The following TTL variants were observed in gnomAD, a reference collection of about 807,000 sequenced individuals.
TTL encodes the protein tubulin tyrosine ligase, also known as tubulin--tyrosine ligase.
A neutral mutation model predicts 41.1 loss-of-function variants in TTL; 10 were observed. The observed-to-expected ratio is 0.24, with a 90% CI of 0.15 to 0.41. The LOEUF (loss-of-function observed/expected upper bound fraction) is 0.41. Ranked by LOEUF, TTL falls within the 10% of genes least tolerant of loss-of-function variation. The pLI is 1.00. For missense variants in TTL, 367 were observed against 460.4 expected, an observed-to-expected ratio of 0.80 and a Z score of 1.86; for synonymous variants, 175 against 175.5, an observed-to-expected ratio of 1.00 and a Z score of 0.02.
intron 2 of TTL, among the ~76,000 whole-genome samples, chr2:112,489,082 G>A (rs950399580): frequency 7.9e-5 from 12 of 151,902 alleles, no homozygotes; most frequent in Admixed American, 2.0e-4. Context: ...GTGAGACGCC[G>A]TCTCAAAAAA....
intron 3 of TTL, among the ~76,000 whole-genome samples, chr2:112,497,198 T>C (rs1403542892): frequency 5.3e-5 from 8 of 152,106 alleles, no homozygotes. Context: ...TGATTTTTAG[T>C]AGAGATGAAG....
chr2:112,510,282 A>T (rs1279712108), intron 5 of TTL, among the ~76,000 whole-genome samples: 1 of 152,014 alleles, frequency 6.6e-6, no homozygotes, highest in Non-Finnish European at 1.5e-5. Flanking sequence ...GGTATACACC[A>T]CTGTGCCTGG....
At chr2:112,503,799 A>T (rs1681765333) in intron 5 of TTL, among the ~76,000 whole-genome samples, 2 of 121,326 alleles carry the variant, frequency 1.6e-5, no homozygotes, top group Admixed American at 1.1e-4. Context: ...TTTTATCCGT[A>T]AACTTCTTTT....
At chr2:112,498,864 C>A (rs1236901938) in intron 3 of TTL, among the ~76,000 whole-genome samples, 2 of 151,862 alleles carry the variant, frequency 1.3e-5, no homozygotes, top group East Asian at 1.9e-4. Context: ...CCATCTCAAT[C>A]AATAAATAAA....
chr2:112,512,182 C>G (rs768134199), intron 5 of TTL, among the ~76,000 whole-genome samples: 1 of 152,004 alleles, frequency 6.6e-6, no homozygotes, highest in Non-Finnish European at 1.5e-5. Flanking sequence ...ACCTCTGCCT[C>G]CCGGGTTCAA....
intron 6 of TTL, chr2:112,521,089 G>C (rs1454894624): frequency 9.5e-5 from 71 of 744,984 alleles, no homozygotes; most frequent in Non-Finnish European, 1.1e-4. Context: ...GTCAGAGAAG[G>C]CATCTTAGAC....
In TTL at chr2:112,488,433, C is replaced by T. The variant is rs74914420; in HGVS notation, c.236+2438C>T. On this transcript the variant is annotated intron_variant, in intron 2 of 6. Coordinates refer to ENST00000233336, the MANE Select transcript of TTL (RefSeq NM_153712.5). ...GCTACCCACACATGTAATTATAAAC[C>T]GCCTAGTAGCCACATTAAAATAAGT... Among the ~76,000 whole-genome samples, 9 of 152,212 alleles carry T rather than the reference C, an allele frequency of 5.9e-5. No homozygotes were observed. The East Asian group carries it at 7.7e-4, about 13-fold the overall frequency.
chr2:112,539,790 C>T lies in TTL; in HGVS notation c.*10995C>T, dbSNP rs930758222. On this transcript the variant is annotated 3_prime_UTR_variant, in exon 7 of 7. Transcript: ENST00000233336. Reference sequence around the variant, plus strand: ...CATATAGAAAAAGTCCTAAGAAATCCACTTACGCTGTTAGAACTAATAAAG... The same window carrying T: ...CATATAGAAAAAGTCCTAAGAAATCTACTTACGCTGTTAGAACTAATAAAG... 1 of 152,148 alleles carries T rather than the reference C, an allele frequency of 6.6e-6. No homozygotes were observed. The highest frequency in any genetic ancestry group is 2.4e-5 in the African/African-American group (1 of 41,452). 9.4% of individuals were successfully genotyped at this position (152,148 alleles called of 1,614,324 possible). A position where few individuals can be genotyped will look rare whatever the true frequency, so the allele number is the denominator to read the frequency against.
At position 112,525,043 on chromosome 2, in the gene TTL, A is replaced by C. The variant is rs535860047; in HGVS notation, c.1020-3638A>C. 2.0e-5 allele frequency among the ~76,000 whole-genome samples: 3 copies of C among 152,342 alleles called. No homozygotes were observed. The East Asian group carries it at 5.8e-4, about 29-fold the overall frequency. The stretch of plus-strand genomic sequence containing the variant: ...GTTTTCCCAGCACCATTTATTAAAT[A>C]GGGAATCCTTTCCTCATTTCTTGTT... On this transcript the variant is annotated intron_variant, in intron 6 of 6. Transcript: ENST00000233336.
rs180775060 is a variant in TTL at position 112,529,183 on chromosome 2, G to A, written c.*388G>A. 4.6e-5 allele frequency: 15 copies of A among 327,552 alleles called. No individual in the cohort carries two copies. The East Asian group carries it at 7.1e-4, about 15-fold the overall frequency. 20.3% of individuals were successfully genotyped at this position (327,552 alleles called of 1,614,324 possible). ...CCCCACTGCTCTGGACTATGGATTG[G>A]ACGTCAGAGCATATTGGAGGTTGCC... is the stretch of plus-strand genomic sequence containing the variant. On this transcript the variant is annotated 3_prime_UTR_variant, in exon 7 of 7. Coordinates refer to ENST00000233336, the MANE Select transcript of TTL (RefSeq NM_153712.5).
chr2:112,500,294 C>T (rs924164157), intron 3 of TTL, among the ~76,000 whole-genome samples: 4 of 151,534 alleles, frequency 2.6e-5, no homozygotes, highest in Admixed American at 6.6e-5. Context: ...TGTAGTAGGC[C>T]GGGCATGGTG....
chr2:112,503,439 A>G (rs1474704580), intron 5 of TTL, among the ~76,000 whole-genome samples: 1 of 144,422 alleles, frequency 6.9e-6, no homozygotes, highest in South Asian at 2.1e-4. Context: ...TTATTTATTT[A>G]TTTATTTTTT....
Position 112,538,783 on chromosome 2 carries a change from AT to A in TTL, c.*9990del, listed in dbSNP as rs1222874315. On this transcript the variant is annotated 3_prime_UTR_variant, in exon 7 of 7. Transcript: ENST00000233336. ...ACAGAGCAAGTCCTGTCTCAAAAAAATTAAAAAGTGGGAGCTAAACATTGGG... is the reference window on the plus strand; with the variant it reads ...ACAGAGCAAGTCCTGTCTCAAAAAAATAAAAAGTGGGAGCTAAACATTGGG... 1 of 152,008 alleles carries A rather than the reference AT, an allele frequency of 6.6e-6. No homozygotes were observed. Among genetic ancestry groups the A allele is most frequent in the Non-Finnish European group, 1.5e-5 (1 of 68,012 alleles). 9.4% of individuals were successfully genotyped at this position (152,008 alleles called of 1,614,324 possible).
intron 6 of TTL, among the ~76,000 whole-genome samples, chr2:112,521,857 C>T (rs545586624): frequency 6.6e-6 from 1 of 152,208 alleles, no homozygotes; most frequent in South Asian, 2.1e-4. Context: ...AGCCAAGGGC[C>T]CACGATGGGA....
chr2:112,495,621 G>A (rs1681503492), intron 3 of TTL, among the ~76,000 whole-genome samples: 1 of 152,192 alleles, frequency 6.6e-6, no homozygotes, highest in African/African-American at 2.4e-5. Context: ...GCCGAGGCGG[G>A]CGGATCACAA....
At chr2:112,511,817 C>T (rs946957894) in intron 5 of TTL, among the ~76,000 whole-genome samples, 39 of 152,050 alleles carry the variant, frequency 2.6e-4, no homozygotes, top group African/African-American at 9.2e-4. Flanking sequence ...GCAATCTACA[C>T]ACTTCAGCCT....
At position 112,539,756 on chromosome 2, in the gene TTL, A is replaced by T. The variant is rs1317155604; in HGVS notation, c.*10961A>T. On this transcript the variant is annotated 3_prime_UTR_variant, in exon 7 of 7. Transcript: ENST00000233336. Reference sequence around the variant, plus strand: ...GTATGATGATCTCTCTTTGCAGACGACAAGATACCATATAGAAAAAGTCCT... The same window carrying T: ...GTATGATGATCTCTCTTTGCAGACGTCAAGATACCATATAGAAAAAGTCCT... 1 of 152,264 alleles carries T rather than the reference A, an allele frequency of 6.6e-6. No individual in the cohort carries two copies. Among genetic ancestry groups the T allele is most frequent in the Non-Finnish European group, 1.5e-5 (1 of 68,040 alleles). 9.4% of individuals were successfully genotyped at this position (152,264 alleles called of 1,614,324 possible).
chr2:112,541,299 A>G lies in TTL; in HGVS notation c.*12504A>G, dbSNP rs972618104. The G allele has an allele frequency of 2.0e-5, 3 of 152,182 alleles. No individual in the cohort carries two copies. The highest frequency in any genetic ancestry group is 7.2e-5 in the African/African-American group (3 of 41,436). 9.4% of individuals were successfully genotyped at this position (152,182 alleles called of 1,614,324 possible). A position where few individuals can be genotyped will look rare whatever the true frequency, so the allele number is the denominator to read the frequency against. On this transcript the variant is annotated 3_prime_UTR_variant, in exon 7 of 7. Transcript: ENST00000233336. ...AAAACCCACAGAATGGGAGAAAAAT[A>G]TTTGCAAATCATGGATCTGACAAGG...
intron 5 of TTL, 58 bp from the exon 6 acceptor site, chr2:112,520,224 G>A: frequency 1.3e-6 from 2 of 1,589,292 alleles, no homozygotes; most frequent in Non-Finnish European, 1.7e-6. Context: ...CACACCTCAT[G>A]TCTTCCTTCT....
Sources: allele counts gnomAD v4.1 joint callset (sites outside exome capture counted in the v4.1 genomes callset), GRCh38; gene constraint gnomAD v4.1.1; transcripts MANE v1.5; gene names NCBI Gene and HGNC (gene_info 2026-07-23, HGNC 2026-07-21).